Variants in EDRF1 observed in about 807,000 individuals in gnomAD.
EDRF1 encodes erythroid differentiation regulatory factor 1.
In EDRF1, 69 loss-of-function variants were observed where a neutral mutation model predicts 148.7. The ratio of observed to expected loss-of-function variants is 0.46; its 90% CI spans 0.38 to 0.57. The LOEUF (loss-of-function observed/expected upper bound fraction) is 0.57, where lower values mean the gene tolerates loss of function less well. EDRF1 is among the 20% of genes least tolerant of loss of function. The pLI, the probability that EDRF1 is intolerant of heterozygous loss-of-function variation, is 0.00. For missense variants in EDRF1, 1,118 were observed against 1,478.7 expected, an observed-to-expected ratio of 0.76 and a Z score of 4.00; for synonymous variants, 515 against 532.8, an observed-to-expected ratio of 0.97 and a Z score of 0.46.
chr10:125,761,001 T>G (rs1850165864), intron 24 of EDRF1, among the ~76,000 whole-genome samples: 1 of 152,210 alleles, frequency 6.6e-6, no homozygotes, highest in African/African-American at 2.4e-5. Context: ...CTCCTCAAAT[T>G]TTAGTTTCCT....
Position 125,762,447 on chromosome 10 carries a change from G to A in EDRF1, c.3546-854G>A, listed in dbSNP as rs1233520409. ...AAAAGAGTTGTGGAATTGTTACCTG[G>A]TATCTGGTTATGTGAGCCAGGGGTC... On this transcript the variant is annotated intron_variant, in intron 24 of 24. Coordinates refer to ENST00000356792, the MANE Select transcript of EDRF1 (RefSeq NM_001202438.2). Among the ~76,000 whole-genome samples, 8 of 151,396 alleles carry A rather than the reference G, an allele frequency of 5.3e-5. No individual in the cohort carries two copies. The East Asian group carries it at 9.7e-4, about 18-fold the overall frequency.
At chr10:125,725,636 G>T in intron 5 of EDRF1, 46 bp from the exon 6 acceptor site, 3 of 1,612,074 alleles carry the variant, frequency 1.9e-6, no homozygotes, top group Non-Finnish European at 1.7e-6. Context: ...GTTGCATGAA[G>T]TTAACTTTAG....
At chr10:125,728,191 CAAAA>C (rs36039615) in intron 6 of EDRF1, among the ~76,000 whole-genome samples, 1 of 128,906 alleles carries the variant, frequency 7.8e-6, no homozygotes. Context: ...AACTCTGTCT[CAAAA>C]AAAAAAAAAA....
intron 9 of EDRF1, among the ~76,000 whole-genome samples, chr10:125,731,140 CTG>C (rs778559602): frequency 4.9e-4 from 75 of 152,062 alleles, no homozygotes; most frequent in Non-Finnish European, 9.4e-4. Context: ...GAGCAAGACC[CTG>C]TCTCAAAAAA....
chr10:125,742,388 A>C, intron 17 of EDRF1: 3 of 1,172,240 alleles, frequency 2.6e-6, no homozygotes, highest in Non-Finnish European at 3.2e-6. Context: ...TTATGCTCTT[A>C]AATTGTTATA....
At chr10:125,749,308 G>T in intron 21 of EDRF1, 104 bp from the exon 22 acceptor site, 2 of 1,247,870 alleles carry the variant, frequency 1.6e-6, no homozygotes, top group Non-Finnish European at 2.4e-6. Flanking sequence ...AAACTAATAA[G>T]ACCTAGTAAG....
chr10:125,720,916 G>A (rs114555908), intron 1 of EDRF1, among the ~76,000 whole-genome samples: 6 of 151,942 alleles, frequency 3.9e-5, no homozygotes, highest in African/African-American at 1.5e-4. Context: ...CTTGGTTTCT[G>A]CTTCTCCACT....
In EDRF1 at chr10:125,725,739, G is replaced by C; in HGVS notation, c.693G>C (p.Ser231=). ...CATCCACCGCAGAACAGCAGGAATC[G>C]TCCAGTTCAGATCAGACAAATGATT... ...PVSSTAEQQE[S]SSSDQTNDSE... The change falls in exon 6 of 25, where the codon TCG becomes TCC. Residue 231 remains serine, a synonymous_variant. Transcript: ENST00000356792. 2 of 1,614,028 alleles carry C rather than the reference G, an allele frequency of 1.2e-6. No individual in the cohort carries two copies. Among genetic ancestry groups the C allele is most frequent in the Non-Finnish European group, 1.7e-6 (2 of 1,180,012 alleles).
At chr10:125,736,829 C>A (rs942644215) in intron 13 of EDRF1, among the ~76,000 whole-genome samples, 6 of 151,894 alleles carry the variant, frequency 4.0e-5, no homozygotes, top group African/African-American at 1.5e-4. Context: ...TAAGTCTTGA[C>A]TGAAATGTTG....
chr10:125,751,795 A>G (rs1374308186), intron 22 of EDRF1: 1 of 152,214 alleles, frequency 6.6e-6, no homozygotes, highest in Non-Finnish European at 1.5e-5. Flanking sequence ...TTTCTTAACA[A>G]TGAAAGGATG....
intron 4 of EDRF1, among the ~76,000 whole-genome samples, chr10:125,724,678 T>C (rs1437900541): frequency 3.3e-5 from 5 of 152,358 alleles, no homozygotes; most frequent in African/African-American, 9.6e-5. Flanking sequence ...TCTCAAATTG[T>C]ATGTTGGTAA....
chr10:125,737,897 A>C, intron 13 of EDRF1, 21 bp from the exon 14 acceptor site: 1 of 1,611,412 alleles, frequency 6.2e-7, no homozygotes, highest in Non-Finnish European at 8.5e-7. Flanking sequence ...TGTATTAATA[A>C]TTTTATGTTT....
In EDRF1 at chr10:125,737,669, T is replaced by C. The variant is rs549162244; in HGVS notation, c.1759-249T>C. Reference sequence around the variant, plus strand: ...TGTTTTGTCCAGTATCGGTGCTAATTATGAGTGGAGCTGACCTATTAGATG... The same window carrying C: ...TGTTTTGTCCAGTATCGGTGCTAATCATGAGTGGAGCTGACCTATTAGATG... On this transcript the variant is annotated intron_variant, in intron 13 of 24. Coordinates refer to ENST00000356792, the MANE Select transcript of EDRF1 (RefSeq NM_001202438.2). Among the ~76,000 whole-genome samples the C allele has an allele frequency of 1.6e-4, 24 of 152,340 alleles. 1 individual carries two copies. In the South Asian group the frequency reaches 5.0e-3, roughly 32 times the overall value.
chr10:125,746,017 A>G lies in EDRF1; in HGVS notation c.2814+87A>G, dbSNP rs553351919. The G allele has an allele frequency of 5.2e-5, 65 of 1,249,436 alleles. No individual in the cohort carries two copies. The African/African-American group carries it at 5.8e-4, about 11-fold the overall frequency. The allele number at this position is 1,249,436 out of a possible 1,614,324, so 77.4% of individuals were successfully genotyped here. On this transcript the variant is annotated intron_variant, in intron 19 of 24. Transcript: ENST00000356792. ...GCCAGTTTCACTAAAATACTATAAA[A>G]CTAAAAATAATTAAACTCTGCTAAT... is the stretch of plus-strand genomic sequence containing the variant.
chr10:125,761,822 G>T (rs943526702), intron 24 of EDRF1, among the ~76,000 whole-genome samples: 3 of 152,192 alleles, frequency 2.0e-5, no homozygotes, highest in African/African-American at 7.2e-5. Context: ...ACAGTGTGAT[G>T]TCATTGTCCA....
chr10:125,730,303 A>G lies in EDRF1; in HGVS notation c.1032A>G (p.Pro344=). 1 of 1,613,496 alleles carries G rather than the reference A, an allele frequency of 6.2e-7. No individual in the cohort carries two copies. Among genetic ancestry groups the G allele is most frequent in the Non-Finnish European group, 8.5e-7 (1 of 1,179,462 alleles). The stretch of plus-strand genomic sequence containing the variant: ...ATATTTTTAGGGATAACAACAAACC[A>G]ATTAATGTGCTAACTGGAATTGACT... ...VSLRLRDNNK[P]INVLTGIDYW... is the part of the protein sequence containing the mutation. The change falls in exon 9 of 25, where the codon CCA becomes CCG. Residue 344 remains proline, a synonymous_variant. Coordinates refer to ENST00000356792, the MANE Select transcript of EDRF1 (RefSeq NM_001202438.2).
chr10:125,726,082 A>G (rs1004645815), intron 6 of EDRF1, among the ~76,000 whole-genome samples: 8 of 152,198 alleles, frequency 5.3e-5, no homozygotes, highest in Non-Finnish European at 1.0e-4. Context: ...GAAATATAAT[A>G]GTTGACTGAT....
In EDRF1 at chr10:125,729,090, G is replaced by A. The variant is rs774317563; in HGVS notation, c.880G>A (p.Gly294Arg). The A allele has an allele frequency of 5.1e-5, 80 of 1,567,260 alleles. 1 individual carries two copies. The highest frequency in any genetic ancestry group is 3.3e-4 in the Middle Eastern group (2 of 6,052). The change falls in exon 7 of 25, where the codon GGG (glycine) becomes AGG (arginine). Residue 294 changes from glycine (G) to arginine (R), a missense_variant. By Grantham distance (125) the Gly-to-Arg change is moderately radical. This residue lies in a region of EDRF1 where 954 missense variants were observed against 1,241.4 expected (regional missense o/e 0.77). Coordinates refer to ENST00000356792, the MANE Select transcript of EDRF1 (RefSeq NM_001202438.2). Reference sequence around the variant, plus strand: ...AAACCTGATTACTTTATTCAATGACGGGGAGCACAGTCAGGTATGCTTTCC... The same window carrying A: ...AAACCTGATTACTTTATTCAATGACAGGGAGCACAGTCAGGTATGCTTTCC... ...EQNLITLFND[G>R]EHSQGLKNDF...
chr10:125,763,384 C>T lies in EDRF1; in HGVS notation c.3629C>T (p.Ala1210Val), dbSNP rs368559322. ...TTGAGAGCAACTGCAAATAAAACCG[C>T]GACTCTTCTGGAAAGAATCAACGTT... ...QLLRATANKTATLLERINVIV... is the reference protein window; with the variant it reads ...QLLRATANKTVTLLERINVIV... Residue 1210 changes from alanine (A) to valine (V), a missense_variant, in exon 25 of 25, where the codon GCG becomes GTG. By Grantham distance (64) the Ala-to-Val change is moderately conservative (BLOSUM62 0). Coordinates refer to ENST00000356792, the MANE Select transcript of EDRF1 (RefSeq NM_001202438.2). The surrounding 1 kb of genome is among the most constrained non-coding windows in gnomAD (Gnocchi z 4.3). 253 of 1,613,358 alleles carry T rather than the reference C, an allele frequency of 1.6e-4. No homozygotes were observed. In the South Asian group the frequency reaches 1.8e-3, roughly 12 times the overall value.
Sources: allele counts gnomAD v4.1 joint callset (sites outside exome capture counted in the v4.1 genomes callset), GRCh38; gene constraint gnomAD v4.1.1; regional missense constraint gnomAD v4.1.1; non-coding constraint Gnocchi (gnomAD v3.1); transcripts MANE v1.5; gene names NCBI Gene and HGNC (gene_info 2026-07-23, HGNC 2026-07-21).